HYKK: variants seen among roughly 807,000 people sequenced by gnomAD.
HYKK encodes the protein 5-hydroxy-L-lysine kinase.
Under a neutral mutation model 29.7 loss-of-function variants are expected in HYKK, and 19 were observed. That is an observed-to-expected ratio of 0.64 (90% CI 0.45 to 0.94). The LOEUF (loss-of-function observed/expected upper bound fraction) is 0.94. HYKK is among the 40% of genes least tolerant of loss of function. The probability of loss-of-function intolerance (pLI) is 0.00; values close to 1 mark genes in which losing one functional copy is unlikely to be tolerated. For missense variants in HYKK, 390 were observed against 443.4 expected (o/e 0.88, Z 1.08); for synonymous variants, 152 against 158.1 (o/e 0.96, Z 0.29).
rs12906951 is a variant in HYKK at position 78,533,220 on chromosome 15, C to A, written c.672C>A (p.His224Gln). Residue 224 changes from histidine (H) to glutamine (Q), a missense_variant, in exon 5 of 5, where the codon CAC becomes CAA. His to Gln is a conservative substitution (Grantham distance 24). Coordinates refer to ENST00000388988, the MANE Select transcript of HYKK (RefSeq NM_001013619.4). ...TTTTTCTACTTTCAGGTATCAATCA[C>A]GGAGATCTTAATGACCATAATATTT... Reference protein sequence around the residue: ...KLSHFRECINHGDLNDHNILI... With the variant: ...KLSHFRECINQGDLNDHNILI... The A allele has an allele frequency of 9.0e-5, 143 of 1,590,598 alleles. No homozygotes were observed. In the African/African-American group the frequency reaches 1.6e-3, roughly 18 times the overall value.
Position 78,513,344 on chromosome 15 carries a change from A to G in HYKK, c.256A>G (p.Met86Val), listed in dbSNP as rs2052094631. ...GATTGAAGTGCAGAATCACATCATC[A>G]TGTTTCTGAAAGCCGCTGGATTTCC... The part of the protein sequence containing the change: ...DLIEVQNHII[M>V]FLKAAGFPTA... Residue 86 changes from methionine to valine, a missense_variant, in exon 2 of 5, where the codon ATG (methionine) becomes GTG (valine). Transcript: ENST00000388988. 3 of 1,614,220 alleles carry G rather than the reference A, an allele frequency of 1.9e-6. No homozygotes were observed. The highest frequency in any genetic ancestry group is 1.7e-6 in the Non-Finnish European group (2 of 1,180,040).
downstream of HYKK, chr15:78,537,195 C>T (rs34989313): frequency 6.4e-6 from 3 of 468,230 alleles, no homozygotes; most frequent in Admixed American, 3.6e-5. Flanking sequence ...TAATAAATCC[C>T]CTCCTGTTTA....
intron 4 of HYKK, among the ~76,000 whole-genome samples, chr15:78,530,930 C>T (rs369304320): frequency 1.3e-5 from 2 of 151,904 alleles, no homozygotes; most frequent in Non-Finnish European, 2.9e-5. Context: ...AGTTCAGTGG[C>T]GTGATCTCGG....
chr15:78,528,854 A>C lies in HYKK; in HGVS notation c.661+1291A>C, dbSNP rs939961312. On this transcript the variant is annotated intron_variant, in intron 4 of 4. Coordinates refer to ENST00000388988, the MANE Select transcript of HYKK (RefSeq NM_001013619.4). ...GGGCATTTCTATCAAGGCCTAAGATAGGCAGTATGTGTTTCTCAGTGTTTC... is the reference window on the plus strand; with the variant it reads ...GGGCATTTCTATCAAGGCCTAAGATCGGCAGTATGTGTTTCTCAGTGTTTC... The C allele has an allele frequency of 3.0e-6, 3 of 983,770 alleles. No individual in the cohort carries two copies. In the African/African-American group the frequency reaches 5.3e-5, roughly 17 times the overall value. The allele number at this position is 983,770 out of a possible 1,614,324, so 60.9% of individuals were successfully genotyped here. A position where few individuals can be genotyped will look rare whatever the true frequency, so the allele number is the denominator to read the frequency against.
chr15:78,525,896 G>A (rs536742872), intron 3 of HYKK, among the ~76,000 whole-genome samples: 2 of 152,222 alleles, frequency 1.3e-5, no homozygotes, highest in East Asian at 3.9e-4. Flanking sequence ...CTGTATACTG[G>A]GGTTATGATG....
intron 4 of HYKK, among the ~76,000 whole-genome samples, chr15:78,531,731 A>C (rs940000708): frequency 1.3e-5 from 2 of 152,186 alleles, no homozygotes; most frequent in Admixed American, 6.5e-5. Flanking sequence ...GGGTTTCACT[A>C]CGTTGGATAG....
chr15:78,527,283 C>G (rs2052263716), intron 3 of HYKK, 97 bp from the exon 4 acceptor site: 1 of 916,466 alleles, frequency 1.1e-6, no homozygotes, highest in Non-Finnish European at 1.6e-6. Context: ...AAGACTCTGT[C>G]TCAAAAAAAA....
rs1271969983 is a variant in HYKK, at chr15:78,536,217, C to T, written c.*2547C>T. On this transcript the variant is annotated 3_prime_UTR_variant, in exon 5 of 5. Coordinates refer to ENST00000388988, the MANE Select transcript of HYKK (RefSeq NM_001013619.4). ...AAGACAGCCAGGGCTTAAATCAGGC[C>T]TTTCTGATGTAGACCATGCTCTTCA... is the stretch of plus-strand genomic sequence containing the variant. The T allele has an allele frequency of 3.9e-5, 6 of 152,022 alleles. No individual in the cohort carries two copies. Among genetic ancestry groups the T allele is most frequent in the Non-Finnish European group, 7.4e-5 (5 of 68,012 alleles). The allele number at this position is 152,022 out of a possible 1,614,324, so 9.4% of individuals were successfully genotyped here.
At chr15:78,508,931 C>T (rs1352970368) in intron 1 of HYKK, among the ~76,000 whole-genome samples, 1 of 148,938 alleles carries the variant, frequency 6.7e-6, no homozygotes, top group African/African-American at 2.5e-5. Flanking sequence ...GCCTGCAGTC[C>T]CAGCTATTTG....
intron 3 of HYKK, among the ~76,000 whole-genome samples, chr15:78,516,977 C>T (rs1179263643): frequency 1.3e-5 from 2 of 151,678 alleles, no homozygotes; most frequent in Non-Finnish European, 2.9e-5. Flanking sequence ...AGTTATCGCA[C>T]CACTGCACTC....
At position 78,536,525 on chromosome 15, in the gene HYKK, G is replaced by C. The variant is rs1050301181; in HGVS notation, c.*2855G>C. The stretch of plus-strand genomic sequence containing the variant: ...GTTGATCCTCTGAATTGATGAAACT[G>C]TATAGATTTCCCTCTTGATTGCCCC... On this transcript the variant is annotated 3_prime_UTR_variant, in exon 5 of 5. Coordinates refer to ENST00000388988, the MANE Select transcript of HYKK (RefSeq NM_001013619.4). The C allele has an allele frequency of 6.6e-6, 1 of 152,200 alleles. No homozygotes were observed. The highest frequency in any genetic ancestry group is 2.4e-5 in the African/African-American group (1 of 41,430). The allele number at this position is 152,200 out of a possible 1,614,324, so 9.4% of individuals were successfully genotyped here.
chr15:78,515,860 T>C (rs1347587870), intron 3 of HYKK, among the ~76,000 whole-genome samples: 2 of 152,128 alleles, frequency 1.3e-5, no homozygotes, highest in Non-Finnish European at 2.9e-5. Flanking sequence ...AGTGCTGGGA[T>C]TACAGGCGTG....
intron 4 of HYKK, among the ~76,000 whole-genome samples, chr15:78,532,413 T>G (rs1251163253): frequency 6.6e-6 from 1 of 152,216 alleles, no homozygotes; most frequent in South Asian, 2.1e-4. Context: ...CCACTTTGAA[T>G]AGTACTGACT....
downstream of HYKK, chr15:78,537,166 C>A (rs1296642574): frequency 4.6e-6 from 2 of 438,712 alleles, no homozygotes; most frequent in Non-Finnish European, 8.4e-6. Context: ...GACTTCCTAG[C>A]CTCCATAATT....
intron 3 of HYKK, among the ~76,000 whole-genome samples, chr15:78,526,790 CTG>C (rs919672649): frequency 6.6e-6 from 1 of 152,182 alleles, no homozygotes; most frequent in South Asian, 2.1e-4. Flanking sequence ...GCTCCCCAAA[CTG>C]AGAGATCCTG....
Position 78,527,504 on chromosome 15 carries a change from A to T in HYKK, c.602A>T (p.Glu201Val). The T allele has an allele frequency of 1.2e-6, 2 of 1,614,216 alleles. No individual in the cohort carries two copies. The highest frequency in any genetic ancestry group is 3.3e-4 in the Middle Eastern group (2 of 6,062). The change falls in exon 4 of 5, where the codon GAG (glutamate) becomes GTG (valine). Residue 201 changes from glutamate (E) to valine (V), a missense_variant. Coordinates refer to ENST00000388988, the MANE Select transcript of HYKK (RefSeq NM_001013619.4). ...CAGAATCGAAACCGAGAGATTGTTG[A>T]GCATGTCATTCATCTGTTCAAGGAG... ...LGQNRNREIV[E>V]HVIHLFKEEV... is the part of the protein sequence containing the mutation.
chr15:78,528,416 A>T, intron 4 of HYKK: 1 of 985,360 alleles, frequency 1.0e-6, no homozygotes, highest in Non-Finnish European at 1.2e-6. Flanking sequence ...GCTCTAGTAT[A>T]TATCTATCTC....
Position 78,534,271 on chromosome 15 carries a change from A to G in HYKK, c.*601A>G, listed in dbSNP as rs1447268063. On this transcript the variant is annotated 3_prime_UTR_variant, in exon 5 of 5. Coordinates refer to ENST00000388988, the MANE Select transcript of HYKK (RefSeq NM_001013619.4). ...TTTTTTTTTTTTTTTTTTTTTTGAGACGGAGTCTCGCTCTGTCGCCCAGGC... is the reference window on the plus strand; with the variant it reads ...TTTTTTTTTTTTTTTTTTTTTTGAGGCGGAGTCTCGCTCTGTCGCCCAGGC... 2 of 113,668 alleles carry G rather than the reference A, an allele frequency of 1.8e-5. No homozygotes were observed. Among genetic ancestry groups the G allele is most frequent in the Non-Finnish European group, 1.7e-5 (1 of 58,122 alleles). The allele number at this position is 113,668 out of a possible 1,614,324, so 7.0% of individuals were successfully genotyped here.
intron 3 of HYKK, among the ~76,000 whole-genome samples, chr15:78,518,353 G>T (rs1463507799): frequency 1.3e-5 from 2 of 151,904 alleles, no homozygotes; most frequent in Non-Finnish European, 2.9e-5. Flanking sequence ...TTTGGTATTT[G>T]TAGTAGAGAC....
Sources: gnomAD v4.1 joint callset for allele counts (sites outside exome capture counted in the v4.1 genomes callset) on GRCh38, gnomAD v4.1.1 for gene constraint, MANE v1.5 for transcripts, NCBI Gene and HGNC (gene_info 2026-07-23, HGNC 2026-07-21) for gene names.